PCDH15: variants seen among roughly 807,000 people sequenced by gnomAD.
The protein encoded by PCDH15 is protocadherin related 15, also known as protocadherin-15.
Under a neutral mutation model 178.5 loss-of-function variants are expected in PCDH15, and 129 were observed. The ratio of observed to expected loss-of-function variants is 0.72; its 90% CI spans 0.63 to 0.84. The LOEUF (loss-of-function observed/expected upper bound fraction) is 0.84, where lower values mean the gene tolerates loss of function less well. PCDH15 is among the 40% of genes least tolerant of loss of function. The probability of loss-of-function intolerance (pLI) is 0.00; values close to 1 mark genes in which losing one functional copy is unlikely to be tolerated. For missense variants in PCDH15, 2,230 were observed against 2,099.9 expected (o/e 1.06, Z -1.21); for synonymous variants, 800 against 732.0 (o/e 1.09, Z -1.50).
intron 2 of PCDH15, among the ~76,000 whole-genome samples, chr10:55,131,018 ATCC>A (rs1026309435): frequency 4.6e-5 from 7 of 152,138 alleles, no homozygotes; most frequent in Admixed American, 1.3e-4. Context: ...ACAACACAAC[ATCC>A]TCCTTTCTTG....
At chr10:53,843,009 G>A (rs1056329885) in intron 28 of PCDH15, among the ~76,000 whole-genome samples, 1 of 152,052 alleles carries the variant, frequency 6.6e-6, no homozygotes, top group Non-Finnish European at 1.5e-5. Context: ...TCTATTTTCA[G>A]TGCAATACTG....
At chr10:54,276,596 T>C (rs960435175) in intron 8 of PCDH15, among the ~76,000 whole-genome samples, 3 of 151,644 alleles carry the variant, frequency 2.0e-5, no homozygotes, top group African/African-American at 7.2e-5. Context: ...GAAATTCCAC[T>C]ATTCTAGAAA....
Position 55,554,808 on chromosome 10 carries a change from A to G in PCDH15, c.-156+72817T>C, listed in dbSNP as rs138163330. Among the ~76,000 whole-genome samples, 1,106 of 152,058 alleles carry G rather than the reference A, an allele frequency of 7.3e-3. 7 individuals carry two copies. The highest frequency in any genetic ancestry group is 0.013 in the Admixed American group (192 of 15,236). On this transcript the variant is annotated intron_variant, in intron 2 of 5. Coordinates refer to the PCDH15 transcript ENST00000613346. ...ACCTAATGTCCTTTTATGTTCTAGT[A>G]TTTCATCCAAAATACCACTTAAAAT...
chr10:54,306,041 A>G (rs956164084), intron 8 of PCDH15, among the ~76,000 whole-genome samples: 2 of 152,036 alleles, frequency 1.3e-5, no homozygotes, highest in African/African-American at 2.4e-5. Context: ...ATAGCACTGA[A>G]GCATGGAAGA....
chr10:55,564,450 TA>T (rs1842260853), intron 2 of PCDH15, among the ~76,000 whole-genome samples: 1 of 151,676 alleles, frequency 6.6e-6, no homozygotes, highest in Non-Finnish European at 1.5e-5. Flanking sequence ...AATTCAATAC[TA>T]AAAAAGCTAC....
At chr10:55,110,578 G>A (rs1228313745) in intron 2 of PCDH15, among the ~76,000 whole-genome samples, 1 of 151,450 alleles carries the variant, frequency 6.6e-6, no homozygotes, top group African/African-American at 2.4e-5. Flanking sequence ...GAGAGTTCTA[G>A]AGTAATTGTA....
At chr10:55,163,454 C>A (rs1355459983) in intron 2 of PCDH15, among the ~76,000 whole-genome samples, 1 of 152,028 alleles carries the variant, frequency 6.6e-6, no homozygotes, top group African/African-American at 2.4e-5. Context: ...CAGAGGCATT[C>A]GAACCAAAGA....
chr10:54,741,991 G>A (rs747924571), intron 1 of PCDH15, among the ~76,000 whole-genome samples: 6 of 152,018 alleles, frequency 3.9e-5, no homozygotes, highest in Non-Finnish European at 8.8e-5. Flanking sequence ...AGTGGCTAAT[G>A]TTCTGCCTAC....
At chr10:54,665,511 T>C (rs1373371180) in intron 1 of PCDH15, among the ~76,000 whole-genome samples, 1 of 152,074 alleles carries the variant, frequency 6.6e-6, no homozygotes, top group African/African-American at 2.4e-5. Flanking sequence ...TAATTCTGCT[T>C]TTGTCTACAT....
chr10:54,190,728 G>A (rs2133869121), intron 11 of PCDH15, among the ~76,000 whole-genome samples: 1 of 152,292 alleles, frequency 6.6e-6, no homozygotes, highest in East Asian at 1.9e-4. Context: ...TTACCTTGAA[G>A]TAAAATTCAT....
chr10:54,797,620 C>A (rs2133660852), intron 1 of PCDH15, among the ~76,000 whole-genome samples: 1 of 151,558 alleles, frequency 6.6e-6, no homozygotes, highest in South Asian at 2.1e-4. Flanking sequence ...TAGCAATTTA[C>A]AGGTTTCTTA....
chr10:54,646,625 T>G (rs928716059), intron 2 of PCDH15, among the ~76,000 whole-genome samples: 1 of 152,000 alleles, frequency 6.6e-6, no homozygotes, highest in Non-Finnish European at 1.5e-5. Context: ...ATGATAGGGA[T>G]TGTATTGGAT....
At chr10:54,271,373 G>A (rs1365406623) in intron 8 of PCDH15, among the ~76,000 whole-genome samples, 2 of 151,906 alleles carry the variant, frequency 1.3e-5, no homozygotes, top group Non-Finnish European at 2.9e-5. Flanking sequence ...CCCACGCCCG[G>A]CTAATTTTTG....
chr10:55,381,956 T>C (rs1353575913), intron 2 of PCDH15, among the ~76,000 whole-genome samples: 1 of 152,074 alleles, frequency 6.6e-6, no homozygotes, highest in African/African-American at 2.4e-5. Flanking sequence ...CCTTGAAAAG[T>C]AGAGGTGAGA....
At chr10:55,553,724 G>A (rs1157665258) in intron 2 of PCDH15, among the ~76,000 whole-genome samples, 2 of 151,622 alleles carry the variant, frequency 1.3e-5, no homozygotes, top group Non-Finnish European at 2.9e-5. Flanking sequence ...CTACATTACA[G>A]GACTATTATA....
At chr10:54,504,293 A>G (rs1355949475) in intron 3 of PCDH15, among the ~76,000 whole-genome samples, 1 of 152,102 alleles carries the variant, frequency 6.6e-6, no homozygotes, top group Non-Finnish European at 1.5e-5. Context: ...CTATTTGCCA[A>G]GAACATCTTC....
intron 21 of PCDH15, among the ~76,000 whole-genome samples, chr10:53,992,786 C>T (rs145123541): frequency 8.4e-4 from 128 of 152,286 alleles, no homozygotes; most frequent in African/African-American, 2.7e-3. Context: ...ATAATGTCAA[C>T]GCTGTCACGA....
chr10:53,964,368 A>G (rs2088710790), intron 21 of PCDH15, among the ~76,000 whole-genome samples: 1 of 53,906 alleles, frequency 1.9e-5, no homozygotes, highest in African/African-American at 7.0e-5. Context: ...TTTTTTATTT[A>G]TAAAAAAATT....
intron 8 of PCDH15, among the ~76,000 whole-genome samples, chr10:54,265,012 G>GA (rs1365121450): frequency 6.6e-6 from 1 of 152,036 alleles, no homozygotes; most frequent in Non-Finnish European, 1.5e-5. Context: ...CACAGCTAGA[G>GA]AAAAGAGCAA....
Sources: allele counts gnomAD v4.1 joint callset (sites outside exome capture counted in the v4.1 genomes callset), GRCh38; gene constraint gnomAD v4.1.1; transcripts MANE v1.5; gene names NCBI Gene and HGNC (gene_info 2026-07-23, HGNC 2026-07-21).